LONRF1: variants seen among roughly 807,000 people sequenced by gnomAD.
LONRF1 encodes the protein LON peptidase N-terminal domain and RING finger protein 1.
A neutral mutation model predicts 85.8 loss-of-function variants in LONRF1; 37 were observed. That is an observed-to-expected ratio of 0.43 (90% CI 0.33 to 0.57). LONRF1 has a LOEUF of 0.57. Ranked by LOEUF, LONRF1 falls within the 20% of genes least tolerant of loss-of-function variation. The pLI is 0.04. For synonymous variants in LONRF1, 517 were observed against 390.1 expected, an observed-to-expected ratio of 1.33 and a Z score of -3.83; for missense variants, 1,036 against 978.0, an observed-to-expected ratio of 1.06 and a Z score of -0.79.
rs559682063 is a variant in LONRF1 at position 12,749,971 on chromosome 8, A to G, written c.721+4729T>C. ...ATGCCTGGTATATAGTAGCTACTCA[A>G]TAAAAATTTGCTGAATAGTAAGAAT... On this transcript the variant is annotated intron_variant, in intron 1 of 11. Coordinates refer to ENST00000398246, the MANE Select transcript of LONRF1 (RefSeq NM_152271.5). Among the ~76,000 whole-genome samples the G allele has an allele frequency of 1.1e-4, 17 of 152,346 alleles. No individual in the cohort carries two copies. In the South Asian group the frequency reaches 3.3e-3, roughly 30 times the overall value.
chr8:12,737,252 GT>G (rs1199545518), intron 4 of LONRF1, 112 bp from the exon 5 acceptor site: 1 of 1,276,310 alleles, frequency 7.8e-7, no homozygotes, highest in Non-Finnish European at 1.1e-6. Flanking sequence ...TCATTTTAAT[GT>G]TCATTTAATA....
chr8:12,725,844 C>T lies in LONRF1; in HGVS notation c.2046G>A (p.Glu682=). The T allele has an allele frequency of 6.2e-7, 1 of 1,613,044 alleles. No individual in the cohort carries two copies. Among genetic ancestry groups the T allele is most frequent in the East Asian group, 2.2e-5 (1 of 44,866 alleles). ...CTTGAGAGTAAACCAAATCATGAAG[C>T]TCTCTGAGATTCTTAATCTCATCTT... ...ENEDEIKNLR[E]LHDLVYSQAC... is the part of the protein sequence containing the mutation. The change falls in exon 11 of 12, where the codon GAG becomes GAA. Residue 682 remains glutamate, a synonymous_variant. Transcript: ENST00000398246.
rs774255167 is a variant in LONRF1 at position 12,723,180 on chromosome 8, C to T, written c.2238G>A (p.Ser746=). ...CTTTCAAAGACTTCATTGACAAAAC[C>T]GACAGCTGGTATCGTGGGTCTACAG... is the stretch of plus-strand genomic sequence containing the variant. ...VLPVDPRYQL[S]VLSMKSLKER... Residue 746 remains serine, a synonymous_variant, in exon 12 of 12, where the codon TCG becomes TCA. Transcript: ENST00000398246. 37 of 1,613,950 alleles carry T rather than the reference C, an allele frequency of 2.3e-5. No homozygotes were observed. Among genetic ancestry groups the T allele is most frequent in the Non-Finnish European group, 2.9e-5 (34 of 1,180,004 alleles).
chr8:12,729,517 A>G, intron 8 of LONRF1, 185 bp from the exon 9 acceptor site: 1 of 551,310 alleles, frequency 1.8e-6, no homozygotes, highest in African/African-American at 1.9e-5. Context: ...CTAAGCTCAC[A>G]CTGATGAAAT....
intron 7 of LONRF1, among the ~76,000 whole-genome samples, chr8:12,732,410 T>C (rs950647115): frequency 6.6e-6 from 1 of 152,154 alleles, no homozygotes; most frequent in Non-Finnish European, 1.5e-5. Flanking sequence ...GGAAGGTGCG[T>C]TTCTTGGGAC....
chr8:12,755,241 C>T lies in LONRF1; in HGVS notation c.180G>A (p.Leu60=), dbSNP rs1041035171. ...LLLRRGELLA[L]GGHLKGALEA... is the part of the protein sequence containing the mutation. ...CCAGCGCGCCCTTCAGGTGGCCGCCCAGCGCCAGCAGCTCCCCGCGGCGGA... is the reference window on the plus strand; with the variant it reads ...CCAGCGCGCCCTTCAGGTGGCCGCCTAGCGCCAGCAGCTCCCCGCGGCGGA... The change falls in exon 1 of 12, where the codon CTG becomes CTA. Residue 60 remains leucine (L), a synonymous_variant. Coordinates refer to ENST00000398246, the MANE Select transcript of LONRF1 (RefSeq NM_152271.5). 3 of 1,235,218 alleles carry T rather than the reference C, an allele frequency of 2.4e-6. No homozygotes were observed. The African/African-American group carries it at 4.7e-5, about 19-fold the overall frequency. The allele number at this position is 1,235,218 out of a possible 1,614,324, so 76.5% of individuals were successfully genotyped here. A position where few individuals can be genotyped will look rare whatever the true frequency, so the allele number is the denominator to read the frequency against.
At chr8:12,746,095 C>T (rs1031569750) in intron 1 of LONRF1, among the ~76,000 whole-genome samples, 2 of 152,148 alleles carry the variant, frequency 1.3e-5, no homozygotes, top group African/African-American at 4.8e-5. Context: ...ATGTCACCTC[C>T]TATGATATTC....
chr8:12,725,197 A>G (rs925786712), intron 11 of LONRF1, among the ~76,000 whole-genome samples: 3 of 152,208 alleles, frequency 2.0e-5, no homozygotes, highest in South Asian at 2.1e-4. Flanking sequence ...AAGTACCTGC[A>G]AGACTAAAAG....
intron 6 of LONRF1, 84 bp from the exon 7 acceptor site, chr8:12,735,484 T>C (rs1798683450): frequency 1.2e-6 from 1 of 864,954 alleles, no homozygotes; most frequent in East Asian, 2.7e-5. Flanking sequence ...ATAACACTAA[T>C]CTCTATTTAA....
chr8:12,754,383 C>T (rs1316104536), intron 1 of LONRF1: 2 of 235,032 alleles, frequency 8.5e-6, no homozygotes, highest in Non-Finnish European at 8.2e-6. Context: ...GCCGGGGCGG[C>T]CTCGGTCCAG....
Position 12,755,415 on chromosome 8 carries a change from G to A in LONRF1, c.6C>T (p.Ser2=). The change falls in exon 1 of 12, where the codon TCC becomes TCT. Residue 2 remains serine (S), a synonymous_variant. Coordinates refer to ENST00000398246, the MANE Select transcript of LONRF1 (RefSeq NM_152271.5). ...GGGAGGTCCTCGCCACCGCCGGAGA[G>A]GACATGGCCCGCGGAGGGCTGCGCC... is the stretch of plus-strand genomic sequence containing the variant. M[S]SPAVARTSPG... 8.7e-7 allele frequency: 1 copy of A among 1,151,330 alleles called. No individual in the cohort carries two copies. Among genetic ancestry groups the A allele is most frequent in the Non-Finnish European group, 1.1e-6 (1 of 937,022 alleles). 71.3% of individuals were successfully genotyped at this position (1,151,330 alleles called of 1,614,324 possible). A position where few individuals can be genotyped will look rare whatever the true frequency, so the allele number is the denominator to read the frequency against.
At chr8:12,741,966 G>C (rs1385480256) in intron 2 of LONRF1, among the ~76,000 whole-genome samples, 1 of 152,166 alleles carries the variant, frequency 6.6e-6, no homozygotes, top group African/African-American at 2.4e-5. Context: ...AATGTTCCTT[G>C]CTTATGTGAT....
chr8:12,735,388 C>T lies in LONRF1; in HGVS notation c.1464G>A (p.Glu488=), dbSNP rs1163858566. The T allele has an allele frequency of 6.3e-7, 1 of 1,599,876 alleles. No homozygotes were observed. The highest frequency in any genetic ancestry group is 8.5e-7 in the Non-Finnish European group (1 of 1,170,970). The part of the protein sequence containing the change: ...ECSLCMRLFF[E]PVTTPCGHSF... ...AATGTCCGCAAGGGGTTGTTACTGG[C>T]TCAAAAAACAACCTGAAATCAACCA... Residue 488 remains glutamate (E), a synonymous_variant, in exon 7 of 12, where the codon GAG becomes GAA. Transcript: ENST00000398246.
chr8:12,739,123 T>C (rs778786057), intron 3 of LONRF1, among the ~76,000 whole-genome samples: 13 of 152,116 alleles, frequency 8.5e-5, no homozygotes, highest in Non-Finnish European at 1.6e-4. Context: ...GCAATTCCAC[T>C]GCTAAGTTTT....
In LONRF1 at chr8:12,755,390, G is replaced by A; in HGVS notation, c.31C>T (p.Pro11Ser). 1 of 1,178,474 alleles carries A rather than the reference G, an allele frequency of 8.5e-7. No individual in the cohort carries two copies. Among genetic ancestry groups the A allele is most frequent in the Middle Eastern group, 3.5e-4 (1 of 2,898 alleles). The allele number at this position is 1,178,474 out of a possible 1,614,324, so 73.0% of individuals were successfully genotyped here. A position where few individuals can be genotyped will look rare whatever the true frequency, so the allele number is the denominator to read the frequency against. The change falls in exon 1 of 12, where the codon CCA becomes TCA. Residue 11 changes from proline (P) to serine (S), a missense_variant. Pro to Ser is a moderately conservative substitution (Grantham distance 74). Coordinates refer to ENST00000398246, the MANE Select transcript of LONRF1 (RefSeq NM_152271.5). MSSPAVARTS[P>S]GGSREMAPAP... is the part of the protein sequence containing the mutation. ...GGGGCCATCTCCCGACTCCCTCCTG[G>A]GGAGGTCCTCGCCACCGCCGGAGAG...
At chr8:12,739,709 C>G (rs1175383808) in intron 3 of LONRF1, among the ~76,000 whole-genome samples, 1 of 152,104 alleles carries the variant, frequency 6.6e-6, no homozygotes, top group Non-Finnish European at 1.5e-5. Context: ...ATCCTATTAA[C>G]CAGCAAACAA....
chr8:12,746,775 G>C (rs1799173611), intron 1 of LONRF1, among the ~76,000 whole-genome samples: 1 of 152,132 alleles, frequency 6.6e-6, no homozygotes, highest in African/African-American at 2.4e-5. Context: ...CATACAGCTA[G>C]TAATTGGTGG....
In LONRF1 at chr8:12,740,916, G is replaced by A; in HGVS notation, c.921C>T (p.Ala307=). The change falls in exon 3 of 12, where the codon GCC becomes GCT. Residue 307 remains alanine, a synonymous_variant. Coordinates refer to ENST00000398246, the MANE Select transcript of LONRF1 (RefSeq NM_152271.5). ...DALQLFLQCL[A]LDEDFAPAKL... ...TTGCAGGTGCAAAATCTTCATCAAG[G>A]GCTAAGCACTGAAGAAAGAGTTGTA... 2 of 1,613,296 alleles carry A rather than the reference G, an allele frequency of 1.2e-6. No individual in the cohort carries two copies. The highest frequency in any genetic ancestry group is 1.7e-6 in the Non-Finnish European group (2 of 1,179,564).
At chr8:12,741,030 T>C in intron 2 of LONRF1, 34 bp from the exon 3 acceptor site, 2 of 1,603,122 alleles carry the variant, frequency 1.2e-6, no homozygotes, top group Middle Eastern at 1.7e-4. Flanking sequence ...AACCTTTGTG[T>C]TAAGAATTGC....
Sources: gnomAD v4.1 joint callset for allele counts (sites outside exome capture counted in the v4.1 genomes callset) on GRCh38, gnomAD v4.1.1 for gene constraint, MANE v1.5 for transcripts, NCBI Gene and HGNC (gene_info 2026-07-23, HGNC 2026-07-21) for gene names.